Variants in FYN observed in about 807,000 individuals in gnomAD.
FYN encodes the protein tyrosine-protein kinase Fyn.
FYN carries 10 observed loss-of-function variants against 70.2 expected under a neutral mutation model. The observed-to-expected ratio is 0.14, with a 90% CI of 0.09 to 0.24. FYN has a LOEUF of 0.24. Ranked by LOEUF, FYN falls within the 10% of genes least tolerant of loss-of-function variation. The pLI is 1.00. For synonymous variants in FYN, 236 were observed against 248.6 expected, an observed-to-expected ratio of 0.95 and a Z score of 0.48; for missense variants, 319 against 673.1, an observed-to-expected ratio of 0.47 and a Z score of 5.82.
At chr6:111,771,311 C>T (rs541611030) in intron 3 of FYN, among the ~76,000 whole-genome samples, 1 of 152,214 alleles carries the variant, frequency 6.6e-6, no homozygotes, top group Admixed American at 6.5e-5. Flanking sequence ...CTTAAGGAGT[C>T]AGAAAAATTC....
chr6:111,789,659 C>T lies in FYN; in HGVS notation c.-81-9024G>A, dbSNP rs866943572. ...CTTTCTTTTCTTACTGGTAATGAGT[C>T]CCTGTCAGGTGATCACATCACATGT... On this transcript the variant is annotated intron_variant, in intron 2 of 13. Coordinates refer to ENST00000354650, the MANE Select transcript of FYN (RefSeq NM_002037.5). Among the ~76,000 whole-genome samples, 9 of 152,178 alleles carry T rather than the reference C, an allele frequency of 5.9e-5. No individual in the cohort carries two copies. In the South Asian group the frequency reaches 8.3e-4, roughly 14 times the overall value.
At chr6:111,780,270 T>C (rs984039365) in intron 3 of FYN, among the ~76,000 whole-genome samples, 1 of 152,254 alleles carries the variant, frequency 6.6e-6, no homozygotes, top group African/African-American at 2.4e-5. Context: ...TTATATTATA[T>C]GGCTGGCTTA....
intron 13 of FYN, among the ~76,000 whole-genome samples, chr6:111,673,619 A>ATTTTTTTTTTTTT (rs1184612877): frequency 3.1e-5 from 2 of 65,004 alleles, no homozygotes; most frequent in Non-Finnish European, 6.5e-5. Context: ...CGTTTCTATC[A>ATTTTTTTTTTTTT]TTGTTTTTTT....
intron 4 of FYN, among the ~76,000 whole-genome samples, chr6:111,716,480 C>G (rs1219208536): frequency 6.6e-6 from 1 of 152,122 alleles, no homozygotes; most frequent in Non-Finnish European, 1.5e-5. Flanking sequence ...GCAGCACCCT[C>G]TGTGTACCTA....
chr6:111,777,476 G>A (rs1338937281), intron 3 of FYN, among the ~76,000 whole-genome samples: 1 of 152,044 alleles, frequency 6.6e-6, no homozygotes, highest in Admixed American at 6.5e-5. Context: ...TATTCTGCAT[G>A]TGTGCACGAG....
chr6:111,862,474 C>T (rs1773988938), intron 1 of FYN, among the ~76,000 whole-genome samples: 1 of 152,186 alleles, frequency 6.6e-6, no homozygotes, highest in South Asian at 2.1e-4. Flanking sequence ...AAGAAGCCAG[C>T]CTCATAGCGC....
chr6:111,756,229 GA>G (rs938022779), intron 3 of FYN, among the ~76,000 whole-genome samples: 2 of 152,006 alleles, frequency 1.3e-5, no homozygotes, highest in African/African-American at 2.4e-5. Flanking sequence ...CATTAAGTTT[GA>G]AAATTTCAAT....
At chr6:111,665,595 C>CT (rs1444084972) in intron 13 of FYN, among the ~76,000 whole-genome samples, 1 of 151,520 alleles carries the variant, frequency 6.6e-6, no homozygotes, top group Non-Finnish European at 1.5e-5. Context: ...CATGGGTACA[C>CT]TAGAGAGAGG....
chr6:111,760,595 C>A (rs1003621029), intron 3 of FYN, among the ~76,000 whole-genome samples: 1 of 152,178 alleles, frequency 6.6e-6, no homozygotes, highest in African/African-American at 2.4e-5. Flanking sequence ...GCAGCAGTGG[C>A]GTGTGTGGGC....
intron 2 of FYN, among the ~76,000 whole-genome samples, chr6:111,792,982 T>C (rs1386288288): frequency 3.3e-5 from 5 of 152,160 alleles, no homozygotes; most frequent in African/African-American, 1.2e-4. Context: ...TTGTGAACAT[T>C]CATTATCAGT....
chr6:111,835,353 T>C (rs1310786531), intron 2 of FYN, among the ~76,000 whole-genome samples: 1 of 152,242 alleles, frequency 6.6e-6, no homozygotes, highest in Admixed American at 6.5e-5. Flanking sequence ...TATTTTCATT[T>C]GATCACTGAA....
chr6:111,690,085 C>T (rs542440837), intron 12 of FYN, among the ~76,000 whole-genome samples: 11 of 152,284 alleles, frequency 7.2e-5, no homozygotes, highest in Admixed American at 3.9e-4. Flanking sequence ...TTCTCTCCTG[C>T]TTGTGCAATC....
chr6:111,802,648 C>T (rs1186777451), intron 2 of FYN, among the ~76,000 whole-genome samples: 1 of 152,016 alleles, frequency 6.6e-6, no homozygotes, highest in South Asian at 2.1e-4. Context: ...AGGCTGGTCT[C>T]GAACTCCTGA....
chr6:111,736,864 G>A (rs1801732769), intron 3 of FYN, among the ~76,000 whole-genome samples: 1 of 152,124 alleles, frequency 6.6e-6, no homozygotes. Context: ...TAGGTTCACT[G>A]CTAAAATAAA....
chr6:111,864,115 A>G (rs1271258731), intron 1 of FYN, among the ~76,000 whole-genome samples: 3 of 152,186 alleles, frequency 2.0e-5, no homozygotes, highest in Non-Finnish European at 2.9e-5. Flanking sequence ...ACCTGGTTCA[A>G]TATATTCTGT....
chr6:111,760,407 T>A (rs1214556646), intron 3 of FYN, among the ~76,000 whole-genome samples: 1 of 152,036 alleles, frequency 6.6e-6, no homozygotes, highest in African/African-American at 2.4e-5. Flanking sequence ...AAGATAGGCA[T>A]CCTAAGTGCC....
In FYN at chr6:111,744,890, A is replaced by T. The variant is rs114628012; in HGVS notation, c.-11-24828T>A. Among the ~76,000 whole-genome samples, 1,087 of 152,306 alleles carry T rather than the reference A, an allele frequency of 7.1e-3. 20 individuals carry two copies. Among genetic ancestry groups the T allele is most frequent in the African/African-American group, 0.025 (1,051 of 41,552 alleles). ...ATTTTTTCTCTTAGAATTAGGTAGG[A>T]ATACCCTTATGCAGAGGAGAGGTAG... On this transcript the variant is annotated intron_variant, in intron 3 of 13. Transcript: ENST00000354650.
chr6:111,774,043 C>G (rs7755664), intron 3 of FYN, among the ~76,000 whole-genome samples: 2 of 152,050 alleles, frequency 1.3e-5, no homozygotes, highest in Admixed American at 1.3e-4. Context: ...GGCTGTGGGC[C>G]GAGCATCCTA....
In FYN at chr6:111,676,907, TA is replaced by T. The variant is rs548993692; in HGVS notation, c.1274-2278del. On this transcript the variant is annotated intron_variant, in intron 12 of 13. Transcript: ENST00000354650. ...TCCAAGGGATTTCATAATTTCAGAT[TA>T]AAAAAAACCAACGGCAATATCAGCC... Among the ~76,000 whole-genome samples the T allele has an allele frequency of 3.2e-3, 487 of 152,146 alleles. 5 individuals carry two copies. Among genetic ancestry groups the T allele is most frequent in the African/African-American group, 0.011 (473 of 41,510 alleles).
Sources: gnomAD v4.1 joint callset for allele counts (sites outside exome capture counted in the v4.1 genomes callset) on GRCh38, gnomAD v4.1.1 for gene constraint, MANE v1.5 for transcripts, NCBI Gene and HGNC (gene_info 2026-07-23, HGNC 2026-07-21) for gene names.